The following MYO6 variants were observed in gnomAD, a reference collection of about 807,000 sequenced individuals.
MYO6 encodes unconventional myosin-VI.
MYO6 carries 74 observed loss-of-function variants against 178.7 expected under a neutral mutation model. The observed-to-expected ratio is 0.41, with a 90% CI of 0.34 to 0.50. MYO6 has a LOEUF of 0.50. MYO6 is among the 20% of genes least tolerant of loss of function. The pLI is 0.09. For synonymous variants in MYO6, 477 were observed against 504.6 expected (o/e 0.95, Z 0.73); for missense variants, 1,330 against 1,547.4 (o/e 0.86, Z 2.36).
chr6:75,755,477 G>T (rs999993445), intron 1 of MYO6, among the ~76,000 whole-genome samples: 3 of 152,084 alleles, frequency 2.0e-5, no homozygotes, highest in African/African-American at 7.2e-5. Flanking sequence ...TAGAAGATGA[G>T]CATGATGCAT....
At chr6:75,900,040 C>A (rs10806051) in intron 30 of MYO6, among the ~76,000 whole-genome samples, 19,612 of 151,498 alleles carry the variant, frequency 0.13, 1,354 homozygotes, top group Non-Finnish European at 0.15. Context: ...CCAATGTCAT[C>A]CATGTCCCTG....
At chr6:75,757,920 G>A (rs1416875252) in intron 1 of MYO6, among the ~76,000 whole-genome samples, 1 of 147,206 alleles carries the variant, frequency 6.8e-6, no homozygotes, top group South Asian at 2.2e-4. Context: ...AATTTTCATC[G>A]AAAAGCAAGA....
Position 75,894,727 on chromosome 6 carries a change from A to T in MYO6, c.3108-504A>T, listed in dbSNP as rs974392503. 2.1e-5 allele frequency: 17 copies of T among 801,952 alleles called. No individual in the cohort carries two copies. The African/African-American group carries it at 2.9e-4, about 14-fold the overall frequency. The allele number at this position is 801,952 out of a possible 1,614,324, so 49.7% of individuals were successfully genotyped here. On this transcript the variant is annotated intron_variant, in intron 28 of 34. Coordinates refer to ENST00000369977, the MANE Select transcript of MYO6 (RefSeq NM_004999.4). ...TAAACTGTTCTTAATCTATAGCATG[A>T]TGTTGTTGGGTTCTATGCTGTGTTA... is the stretch of plus-strand genomic sequence containing the variant.
At position 75,858,781 on chromosome 6, in the gene MYO6, A is replaced by G. The variant is rs888045895; in HGVS notation, c.1382-121A>G. On this transcript the variant is annotated intron_variant, in intron 13 of 34. Transcript: ENST00000369977. ...TTTGGGAAGTATAGAACAAATATAT[A>G]TAATATACAAATTTAACCTAATTTT... is the stretch of plus-strand genomic sequence containing the variant. The G allele has an allele frequency of 1.6e-5, 11 of 672,866 alleles. No individual in the cohort carries two copies. In the East Asian group the frequency reaches 3.1e-4, roughly 19 times the overall value. The allele number at this position is 672,866 out of a possible 1,614,324, so 41.7% of individuals were successfully genotyped here.
At chr6:75,890,754 C>T (rs2149369563) in intron 26 of MYO6, among the ~76,000 whole-genome samples, 1 of 152,290 alleles carries the variant, frequency 6.6e-6, no homozygotes, top group African/African-American at 2.4e-5. Flanking sequence ...ATAATTTTAA[C>T]TATAATCTGA....
chr6:75,762,707 A>G (rs934376938), intron 1 of MYO6, among the ~76,000 whole-genome samples: 3 of 152,132 alleles, frequency 2.0e-5, no homozygotes, highest in African/African-American at 4.8e-5. Flanking sequence ...CTGCCAGTGG[A>G]TGAGAGAGGG....
At chr6:75,758,355 T>C (rs1419931989) in intron 1 of MYO6, among the ~76,000 whole-genome samples, 3 of 152,282 alleles carry the variant, frequency 2.0e-5, no homozygotes, top group Admixed American at 6.5e-5. Flanking sequence ...AATCTCTTCA[T>C]TGACTTTTTT....
rs753802153 is a variant in MYO6 at position 75,918,411 on chromosome 6, C to T, written c.*3399C>T. On this transcript the variant is annotated 3_prime_UTR_variant, in exon 35 of 35. Coordinates refer to ENST00000369977, the MANE Select transcript of MYO6 (RefSeq NM_004999.4). ...CACCCCCAGTTTGGAAACACTGATA[C>T]ATTTTAGGACACAGAGCACTCCTAG... The T allele has an allele frequency of 6.6e-6, 1 of 152,194 alleles. No homozygotes were observed. The highest frequency in any genetic ancestry group is 1.5e-5 in the Non-Finnish European group (1 of 68,052). 9.4% of individuals were successfully genotyped at this position (152,194 alleles called of 1,614,324 possible).
intron 11 of MYO6, among the ~76,000 whole-genome samples, chr6:75,851,851 A>G (rs1775300704): frequency 6.6e-6 from 1 of 152,078 alleles, no homozygotes; most frequent in Non-Finnish European, 1.5e-5. Context: ...AAAATTTGGT[A>G]TTTTTATAAT....
At chr6:75,894,389 G>A (rs1038317039) in intron 28 of MYO6, among the ~76,000 whole-genome samples, 1 of 152,200 alleles carries the variant, frequency 6.6e-6, no homozygotes, top group African/African-American at 2.4e-5. Flanking sequence ...AGGCAGAAGA[G>A]CTAGTTTTAG....
chr6:75,881,112 G>T (rs908106495), intron 22 of MYO6, among the ~76,000 whole-genome samples: 2 of 152,096 alleles, frequency 1.3e-5, no homozygotes, highest in East Asian at 1.9e-4. Flanking sequence ...AATTAGCCGG[G>T]TGTGGTGGTG....
intron 1 of MYO6, among the ~76,000 whole-genome samples, chr6:75,753,774 T>C (rs919326179): frequency 6.6e-6 from 1 of 152,180 alleles, no homozygotes; most frequent in Non-Finnish European, 1.5e-5. Context: ...CATTATATAA[T>C]GTTCAGAGGA....
chr6:75,828,178 G>A (rs556043231), intron 3 of MYO6, among the ~76,000 whole-genome samples: 72 of 152,244 alleles, frequency 4.7e-4, no homozygotes, highest in African/African-American at 1.7e-3. Flanking sequence ...GTATCAGATT[G>A]GATTGGTGTC....
At chr6:75,753,955 C>T (rs1777120171) in intron 1 of MYO6, among the ~76,000 whole-genome samples, 1 of 152,044 alleles carries the variant, frequency 6.6e-6, no homozygotes, top group South Asian at 2.1e-4. Flanking sequence ...GACCATAAGT[C>T]CACCAAAAGT....
intron 1 of MYO6, among the ~76,000 whole-genome samples, chr6:75,767,740 CT>C (rs1778564800): frequency 6.6e-6 from 1 of 152,020 alleles, no homozygotes; most frequent in Non-Finnish European, 1.5e-5. Context: ...GGTCTCTTAA[CT>C]TCTGAGCTCA....
chr6:75,772,333 C>T (rs1765975402), intron 1 of MYO6, among the ~76,000 whole-genome samples: 1 of 152,022 alleles, frequency 6.6e-6, no homozygotes, highest in Admixed American at 6.6e-5. Context: ...ACACTATCCC[C>T]CACCCCCGTC....
chr6:75,771,010 T>C (rs562100677), intron 1 of MYO6, among the ~76,000 whole-genome samples: 63 of 151,972 alleles, frequency 4.1e-4, no homozygotes, highest in African/African-American at 1.4e-3. Flanking sequence ...TTCTTTTTTT[T>C]TTTTTCCCCC....
intron 16 of MYO6, among the ~76,000 whole-genome samples, chr6:75,864,689 A>G (rs910799371): frequency 6.6e-6 from 1 of 152,220 alleles, no homozygotes; most frequent in African/African-American, 2.4e-5. Context: ...AAGACAGTAA[A>G]CTGAAGCATC....
At chr6:75,854,241 A>G (rs796135211) in intron 11 of MYO6, among the ~76,000 whole-genome samples, 25 of 147,454 alleles carry the variant, frequency 1.7e-4, no homozygotes, top group African/African-American at 5.8e-4. Flanking sequence ...AGATTTCTCA[A>G]AATGCCCACA....
Sources: allele counts gnomAD v4.1 joint callset (sites outside exome capture counted in the v4.1 genomes callset), GRCh38; gene constraint gnomAD v4.1.1; transcripts MANE v1.5; gene names NCBI Gene and HGNC (gene_info 2026-07-23, HGNC 2026-07-21).